NFE2L2: variants seen among roughly 807,000 people sequenced by gnomAD.
NFE2L2 encodes the protein nuclear factor erythroid 2-related factor 2.
NFE2L2 carries 20 observed loss-of-function variants against 49.6 expected under a neutral mutation model. The ratio of observed to expected loss-of-function variants is 0.40; its 90% CI spans 0.28 to 0.59. The LOEUF (loss-of-function observed/expected upper bound fraction) is 0.59. Among genes scored for constraint, NFE2L2 ranks in the 20% least tolerant of loss-of-function variants. NFE2L2 has a pLI of 0.40. For synonymous variants in NFE2L2, 244 were observed against 256.5 expected (o/e 0.95, Z 0.47); for missense variants, 578 against 714.2 (o/e 0.81, Z 2.17).
At chr2:177,236,141 G>A (rs937463572) in intron 1 of NFE2L2, among the ~76,000 whole-genome samples, 20 of 152,254 alleles carry the variant, frequency 1.3e-4, no homozygotes, top group Non-Finnish European at 1.3e-4. Flanking sequence ...GCCAGACTTA[G>A]AGTTCTATTA....
chr2:177,257,206 A>G (rs913546669), intron 1 of NFE2L2, among the ~76,000 whole-genome samples: 1 of 152,250 alleles, frequency 6.6e-6, no homozygotes, highest in Admixed American at 6.5e-5. Flanking sequence ...AGCTTCCTAG[A>G]GTAAGACAGT....
chr2:177,249,599 G>A (rs932215352), intron 1 of NFE2L2, among the ~76,000 whole-genome samples: 1 of 152,106 alleles, frequency 6.6e-6, no homozygotes, highest in African/African-American at 2.4e-5. Context: ...TTTTTTAGTA[G>A]CCTAGCCTCA....
intron 1 of NFE2L2, among the ~76,000 whole-genome samples, chr2:177,257,810 T>A (rs1033630176): frequency 6.6e-6 from 1 of 152,204 alleles, no homozygotes; most frequent in African/African-American, 2.4e-5. Flanking sequence ...AAACTGAGTA[T>A]GCAAGGGATG....
chr2:177,264,620 T>C lies in NFE2L2; in HGVS notation c.-44A>G, dbSNP rs2105503204. 2 of 1,407,844 alleles carry C rather than the reference T, an allele frequency of 1.4e-6. No homozygotes were observed. Among genetic ancestry groups the C allele is most frequent in the South Asian group, 1.6e-5 (1 of 64,396 alleles). The allele number at this position is 1,407,844 out of a possible 1,614,324, so 87.2% of individuals were successfully genotyped here. A position where few individuals can be genotyped will look rare whatever the true frequency, so the allele number is the denominator to read the frequency against. ...TGTTGGGGCTCCCCGACGGCGGCCC[T>C]GTTCCGGCTGCCGAGGCGCGGCGCG... On this transcript the variant is annotated 5_prime_UTR_variant, in exon 1 of 5. Coordinates refer to ENST00000397062, the MANE Select transcript of NFE2L2 (RefSeq NM_006164.5).
intron 1 of NFE2L2, among the ~76,000 whole-genome samples, chr2:177,256,625 C>T (rs1315752410): frequency 6.6e-6 from 1 of 151,836 alleles, no homozygotes; most frequent in Non-Finnish European, 1.5e-5. Context: ...ATTATGTACA[C>T]CATTCAATAC....
chr2:177,243,863 G>A (rs1690024587), intron 1 of NFE2L2, among the ~76,000 whole-genome samples: 1 of 152,136 alleles, frequency 6.6e-6, no homozygotes, highest in African/African-American at 2.4e-5. Flanking sequence ...AGTATAGTCA[G>A]TCATCCAGGC....
At chr2:177,251,583 G>A (rs1033276496) in intron 1 of NFE2L2, among the ~76,000 whole-genome samples, 1 of 152,182 alleles carries the variant, frequency 6.6e-6, no homozygotes, top group Admixed American at 6.5e-5. Context: ...CTGCTATGGG[G>A]TTGGTTTTCT....
At chr2:177,255,337 C>A (rs916725774) in intron 1 of NFE2L2, among the ~76,000 whole-genome samples, 1 of 152,188 alleles carries the variant, frequency 6.6e-6, no homozygotes. Context: ...GAAGTCACTG[C>A]CCTAAGGATT....
At chr2:177,264,315 C>T in intron 1 of NFE2L2, 1 of 499,952 alleles carries the variant, frequency 2.0e-6, no homozygotes, top group East Asian at 3.7e-5. Flanking sequence ...CCCGTTCGCC[C>T]TCGGGCTCGT....
intron 1 of NFE2L2, among the ~76,000 whole-genome samples, chr2:177,243,053 T>G (rs931261974): frequency 6.6e-6 from 1 of 152,162 alleles, no homozygotes; most frequent in African/African-American, 2.4e-5. Flanking sequence ...CTCTTCCCCA[T>G]TTTTGAACAA....
intron 1 of NFE2L2, among the ~76,000 whole-genome samples, chr2:177,260,386 A>T (rs1040611568): frequency 1.3e-5 from 2 of 152,242 alleles, no homozygotes; most frequent in African/African-American, 4.8e-5. Flanking sequence ...TAAGTCCTGC[A>T]GCACACTTAA....
chr2:177,233,702 G>A (rs190854564), intron 2 of NFE2L2: 1 of 521,336 alleles, frequency 1.9e-6, no homozygotes, highest in Non-Finnish European at 3.4e-6. Context: ...CTGCTACTTG[G>A]TTCTCCTGCT....
At chr2:177,233,377 G>T (rs764731623) in intron 2 of NFE2L2, 38 bp from the exon 3 acceptor site, 16 of 1,485,176 alleles carry the variant, frequency 1.1e-5, no homozygotes, top group African/African-American at 1.4e-5. Context: ...AACAAAAATG[G>T]TTAAATATTC....
intron 1 of NFE2L2, among the ~76,000 whole-genome samples, chr2:177,251,642 CAAG>C (rs1558989157): frequency 6.6e-6 from 1 of 151,954 alleles, no homozygotes; most frequent in Non-Finnish European, 1.5e-5. Context: ...CACACAAGGA[CAAG>C]AAGACCAAGG....
At chr2:177,237,716 G>A (rs867635442) in intron 1 of NFE2L2, among the ~76,000 whole-genome samples, 1 of 151,960 alleles carries the variant, frequency 6.6e-6, no homozygotes, top group African/African-American at 2.4e-5. Context: ...ACAGGATTTC[G>A]CCATGTTGGC....
chr2:177,264,372 T>TGC lies in NFE2L2; in HGVS notation c.45+158_45+159dup, dbSNP rs1574289684. 3 of 588,698 alleles carry TGC rather than the reference T, an allele frequency of 5.1e-6. No homozygotes were observed. In the East Asian group the frequency reaches 1.2e-4, roughly 24 times the overall value. 36.5% of individuals were successfully genotyped at this position (588,698 alleles called of 1,614,324 possible). On this transcript the variant is annotated intron_variant, in intron 1 of 4. Coordinates refer to ENST00000397062, the MANE Select transcript of NFE2L2 (RefSeq NM_006164.5). ...GCGTCCCCGCTGCCCCTCCCCGCCC[T>TGC]GCCCCGGCGCAAGCGCGGCGGCTCT...
At chr2:177,248,416 C>CT (rs554397710) in intron 1 of NFE2L2, among the ~76,000 whole-genome samples, 39 of 149,398 alleles carry the variant, frequency 2.6e-4, no homozygotes, top group South Asian at 6.4e-4. Flanking sequence ...TACTCTGTTT[C>CT]TTTTTTTTTT....
chr2:177,239,631 C>T (rs910748110), intron 1 of NFE2L2, among the ~76,000 whole-genome samples: 3 of 152,006 alleles, frequency 2.0e-5, no homozygotes, highest in Non-Finnish European at 4.4e-5. Context: ...GAGCCAAGAT[C>T]GTGCCACTGC....
intron 1 of NFE2L2, among the ~76,000 whole-genome samples, chr2:177,247,723 C>T (rs1266225038): frequency 4.0e-5 from 6 of 151,670 alleles, no homozygotes; most frequent in Non-Finnish European, 7.4e-5. Flanking sequence ...TAAACTTCCA[C>T]TCCAGAAGTG....
Sources: gnomAD v4.1 joint callset for allele counts (sites outside exome capture counted in the v4.1 genomes callset) on GRCh38, gnomAD v4.1.1 for gene constraint, MANE v1.5 for transcripts, NCBI Gene and HGNC (gene_info 2026-07-23, HGNC 2026-07-21) for gene names.